The following PTK7 variants were observed in gnomAD, a reference collection of about 807,000 sequenced individuals.
PTK7 encodes protein tyrosine kinase 7 (inactive).
In PTK7, 39 loss-of-function variants were observed where a neutral mutation model predicts 116.6. That is an observed-to-expected ratio of 0.33 (90% CI 0.26 to 0.44). The LOEUF (loss-of-function observed/expected upper bound fraction) is 0.44. Ranked by LOEUF, PTK7 falls within the 20% of genes least tolerant of loss-of-function variation. PTK7 has a pLI of 1.00. For missense variants in PTK7, 1,169 were observed against 1,425.6 expected, an observed-to-expected ratio of 0.82 and a Z score of 2.90; for synonymous variants, 546 against 563.6, an observed-to-expected ratio of 0.97 and a Z score of 0.44.
At chr6:43,110,457 G>A (rs1561949858) in intron 1 of PTK7, among the ~76,000 whole-genome samples, 1 of 151,728 alleles carries the variant, frequency 6.6e-6, no homozygotes. Flanking sequence ...TTAGTGCCCA[G>A]GCTGGAGTAC....
intron 1 of PTK7, among the ~76,000 whole-genome samples, chr6:43,090,221 C>T (rs1582067074): frequency 1.3e-5 from 2 of 152,234 alleles, no homozygotes; most frequent in East Asian, 3.8e-4. Flanking sequence ...CTCTCTGCCC[C>T]TTCCCACTCT....
rs541949435 is a variant in PTK7, at chr6:43,115,744, A to G, written c.80-13233A>G. 1.1e-4 allele frequency among the ~76,000 whole-genome samples: 16 copies of G among 152,022 alleles called. No homozygotes were observed. In the East Asian group the frequency reaches 2.5e-3, roughly 24 times the overall value. On this transcript the variant is annotated intron_variant, in intron 1 of 19. Coordinates refer to ENST00000230419, the MANE Select transcript of PTK7 (RefSeq NM_002821.5). The stretch of plus-strand genomic sequence containing the variant: ...TGAGGTCAGAAGTTCAAGACCAGCC[A>G]TGACCAACATGGAAAAACCCTGTTT...
At chr6:43,133,324 C>G (rs890934832) in intron 7 of PTK7, 1 of 152,570 alleles carries the variant, frequency 6.6e-6, no homozygotes, top group East Asian at 1.9e-4. Flanking sequence ...CCTGTAATCC[C>G]AGCACTTTGG....
chr6:43,092,980 A>C (rs1767038713), intron 1 of PTK7, among the ~76,000 whole-genome samples: 1 of 152,158 alleles, frequency 6.6e-6, no homozygotes, highest in Non-Finnish European at 1.5e-5. Context: ...TTAGTCTGGC[A>C]TGTAAATAAC....
intron 18 of PTK7, 142 bp from the exon 19 acceptor site, chr6:43,159,646 C>A: frequency 2.5e-6 from 2 of 791,536 alleles, no homozygotes; most frequent in Non-Finnish European, 4.3e-6. Flanking sequence ...ATGCTCAGCA[C>A]GCATGTGACC....
At chr6:43,150,911 G>A (rs1771035738) in intron 17 of PTK7, among the ~76,000 whole-genome samples, 1 of 146,390 alleles carries the variant, frequency 6.8e-6, no homozygotes, top group Non-Finnish European at 1.5e-5. Context: ...AAGTAGCTGG[G>A]ATCGCTCTTC....
At position 43,143,313 on chromosome 6, in the gene PTK7, C is replaced by T. The variant is rs1333571605; in HGVS notation, c.2048-104C>T. The T allele has an allele frequency of 6.0e-6, 7 of 1,158,664 alleles. No homozygotes were observed. Among genetic ancestry groups the T allele is most frequent in the Non-Finnish European group, 7.4e-6 (6 of 809,892 alleles). The allele number at this position is 1,158,664 out of a possible 1,614,324, so 71.8% of individuals were successfully genotyped here. A position where few individuals can be genotyped will look rare whatever the true frequency, so the allele number is the denominator to read the frequency against. ...AGTGAAGGTGGTGACCCTCCCGGGC[C>T]ATCTGTTAAGTTGCCCTGTTGATGG... On this transcript the variant is annotated intron_variant, in intron 13 of 19. Coordinates refer to ENST00000230419, the MANE Select transcript of PTK7 (RefSeq NM_002821.5). This position sits in a 1 kb window ranked among gnomAD's most constrained non-coding sequence, Gnocchi z 4.2.
At chr6:43,132,796 C>G (rs2150434880) in intron 7 of PTK7, 109 bp downstream of exon 7, 1 of 1,466,340 alleles carries the variant, frequency 6.8e-7, no homozygotes, top group South Asian at 1.2e-5. Flanking sequence ...CAGTTCTGGG[C>G]CCTGCAGGCT....
chr6:43,129,255 A>G lies in PTK7; in HGVS notation c.358A>G (p.Asn120Asp). The G allele has an allele frequency of 6.2e-7, 1 of 1,614,046 alleles. No homozygotes were observed. Among genetic ancestry groups the G allele is most frequent in the Non-Finnish European group, 8.5e-7 (1 of 1,180,032 alleles). ...AGCCCGCAGTGCCAACGCCTCCTTC[A>G]ACATCAAATGTGAGAGCCAGGGGGG... ...EEARSANASF[N>D]IKWIEAGPVV... Residue 120 changes from asparagine to aspartate, a missense_variant, in exon 2 of 20, where the codon AAC becomes GAC. By Grantham distance (23) the Asn-to-Asp change is conservative. Around this residue, in one of 3 missense-constraint regions of PTK7, gnomAD observed 487 missense variants for 549.8 expected, o/e 0.89. Coordinates refer to ENST00000230419, the MANE Select transcript of PTK7 (RefSeq NM_002821.5). This position sits in a 1 kb window ranked among gnomAD's most constrained non-coding sequence, Gnocchi z 4.5.
intron 1 of PTK7, among the ~76,000 whole-genome samples, chr6:43,109,100 C>A (rs1398944833): frequency 6.6e-6 from 1 of 152,126 alleles, no homozygotes; most frequent in Admixed American, 6.6e-5. Flanking sequence ...GGATTTTAAA[C>A]CTATTTGATG....
chr6:43,129,549 G>T lies in PTK7; in HGVS notation c.368-178G>T. On this transcript the variant is annotated intron_variant, in intron 2 of 19. Coordinates refer to ENST00000230419, the MANE Select transcript of PTK7 (RefSeq NM_002821.5). The surrounding 1 kb of genome is among the most constrained non-coding windows in gnomAD (Gnocchi z 4.5). ...CAAGTGTCAGACTTGACCTGCCAGG[G>T]ACCAGGCAGGCACTTAGTATCTGGT... is the stretch of plus-strand genomic sequence containing the variant. The T allele has an allele frequency of 1.5e-6, 1 of 676,940 alleles. No homozygotes were observed. The highest frequency in any genetic ancestry group is 2.5e-6 in the Non-Finnish European group (1 of 404,484). The allele number at this position is 676,940 out of a possible 1,614,324, so 41.9% of individuals were successfully genotyped here.
chr6:43,087,722 C>T (rs1447084842), intron 1 of PTK7, among the ~76,000 whole-genome samples: 1 of 152,190 alleles, frequency 6.6e-6, no homozygotes, highest in Non-Finnish European at 1.5e-5. Context: ...CTTGCTGAGG[C>T]TCACTCAGTG....
chr6:43,150,558 A>AGC (rs772648664), intron 17 of PTK7, among the ~76,000 whole-genome samples: 64 of 152,112 alleles, frequency 4.2e-4, no homozygotes, highest in Admixed American at 7.9e-4. Context: ...GATCAGAGAG[A>AGC]GCAGGCCAAG....
In PTK7 at chr6:43,146,687, AC is replaced by A; in HGVS notation, c.2712del (p.Lys905SerfsTer10). 6.2e-7 allele frequency: 1 copy of A among 1,612,824 alleles called. No individual in the cohort carries two copies. Among genetic ancestry groups the A allele is most frequent in the Non-Finnish European group, 8.5e-7 (1 of 1,179,844 alleles). On this transcript the variant is annotated frameshift_variant, in exon 17 of 20. Transcript: ENST00000230419. LOFTEE classifies it high-confidence loss of function. Reference protein sequence around the residue: ...DEKLKSQPLSTKQKVALCTQV... With the variant: ...DEKLKSQPLSXKQKVALCTQV... ...AAAATTGAAGTCACAGCCCCTCAGC[AC>A]CAAGCAGAAGGTGAGGACAGGGAGT...
intron 1 of PTK7, among the ~76,000 whole-genome samples, chr6:43,084,596 G>A (rs150812820): frequency 8.0e-4 from 122 of 152,354 alleles, no homozygotes; most frequent in African/African-American, 2.8e-3. Flanking sequence ...TTAGGAGGGA[G>A]TTCATTCAAA....
rs931482524 is a variant in PTK7, at chr6:43,076,345, C to G, written c.-144C>G. 1 of 414,454 alleles carries G rather than the reference C, an allele frequency of 2.4e-6. No homozygotes were observed. The highest frequency in any genetic ancestry group is 6.2e-5 in the East Asian group (1 of 16,002). 25.7% of individuals were successfully genotyped at this position (414,454 alleles called of 1,614,324 possible). On this transcript the variant is annotated 5_prime_UTR_variant, in exon 1 of 20. Transcript: ENST00000230419. This position sits in a 1 kb window ranked among gnomAD's most constrained non-coding sequence, Gnocchi z 5.7. ...CGCGCGCGGCTCCGGCTCGGGACGCCTCGGGACGCCTCGGGGTCGGGCTCC... is the reference window on the plus strand; with the variant it reads ...CGCGCGCGGCTCCGGCTCGGGACGCGTCGGGACGCCTCGGGGTCGGGCTCC...
intron 1 of PTK7, among the ~76,000 whole-genome samples, chr6:43,118,659 C>CTCTCTCTATA (rs1212636673): frequency 1.9e-5 from 1 of 52,996 alleles, no homozygotes; most frequent in East Asian, 4.7e-4. Flanking sequence ...CTCTCTCTCT[C>CTCTCTCTATA]TATATATATA....
intron 1 of PTK7, among the ~76,000 whole-genome samples, chr6:43,097,949 T>C (rs779739941): frequency 4.6e-5 from 7 of 152,262 alleles, no homozygotes; most frequent in Non-Finnish European, 1.0e-4. Context: ...AGCCTAACCC[T>C]GCCTCAGCTG....
intron 19 of PTK7, among the ~76,000 whole-genome samples, chr6:43,160,186 G>A (rs1356611487): frequency 2.0e-5 from 3 of 152,176 alleles, no homozygotes; most frequent in East Asian, 1.9e-4. Context: ...CCCGATCTCC[G>A]TTCACTGCAA....
Sources: gnomAD v4.1 joint callset for allele counts (sites outside exome capture counted in the v4.1 genomes callset) on GRCh38, gnomAD v4.1.1 for gene constraint, gnomAD v4.1.1 regional missense constraint, Gnocchi (gnomAD v3.1) non-coding constraint, MANE v1.5 for transcripts, NCBI Gene and HGNC (gene_info 2026-07-23, HGNC 2026-07-21) for gene names.